TTC7B: variants seen among roughly 807,000 people sequenced by gnomAD.
TTC7B encodes the protein tetratricopeptide repeat domain 7B.
Under a neutral mutation model 106.8 loss-of-function variants are expected in TTC7B, and 28 were observed. The observed-to-expected ratio is 0.26, with a 90% CI of 0.19 to 0.36. The LOEUF (loss-of-function observed/expected upper bound fraction) is 0.36. Ranked by LOEUF, TTC7B falls within the 10% of genes least tolerant of loss-of-function variation. The probability of loss-of-function intolerance (pLI) is 1.00; values close to 1 mark genes in which losing one functional copy is unlikely to be tolerated. For missense variants in TTC7B, 862 were observed against 1,076.4 expected, an observed-to-expected ratio of 0.80 and a Z score of 2.79; for synonymous variants, 405 against 430.6, an observed-to-expected ratio of 0.94 and a Z score of 0.74.
intron 5 of TTC7B, among the ~76,000 whole-genome samples, chr14:90,724,324 CTT>C (rs957552948): frequency 6.6e-6 from 1 of 152,176 alleles, no homozygotes; most frequent in African/African-American, 2.4e-5. Context: ...GACTTTGTCT[CTT>C]CTCTTCACCA....
chr14:90,638,063 T>TA (rs35712441), intron 15 of TTC7B, among the ~76,000 whole-genome samples: 8,703 of 151,688 alleles, frequency 0.057, 330 homozygotes, highest in African/African-American at 0.11. Flanking sequence ...TTTTTTTTTT[T>TA]ATCTAGAGAT....
chr14:90,761,305 T>C (rs1349729968), intron 3 of TTC7B, among the ~76,000 whole-genome samples: 1 of 152,244 alleles, frequency 6.6e-6, no homozygotes, highest in African/African-American at 2.4e-5. Flanking sequence ...ACATCACTAC[T>C]GTAGAACCTA....
Position 90,624,331 on chromosome 14 carries a change from A to G in TTC7B, c.1752-6286T>C, listed in dbSNP as rs1041304102. ...GGGCAGGGCTTAGAAAGAAGACACAACTGCCCCTGGGGAAGCTCTGGGGCA... is the reference window on the plus strand; with the variant it reads ...GGGCAGGGCTTAGAAAGAAGACACAGCTGCCCCTGGGGAAGCTCTGGGGCA... On this transcript the variant is annotated intron_variant, in intron 15 of 19. Transcript: ENST00000328459. The surrounding 1 kb of genome is among the most constrained non-coding windows in gnomAD (Gnocchi z 4.0). Among the ~76,000 whole-genome samples, 2 of 152,206 alleles carry G rather than the reference A, an allele frequency of 1.3e-5. No individual in the cohort carries two copies. Among genetic ancestry groups the G allele is most frequent in the East Asian group, 3.8e-4 (2 of 5,198 alleles).
At chr14:90,552,818 TCTC>T (rs1242958544) in intron 19 of TTC7B, among the ~76,000 whole-genome samples, 2 of 151,960 alleles carry the variant, frequency 1.3e-5, no homozygotes, top group East Asian at 1.9e-4. Context: ...GGAAGGCAAA[TCTC>T]CTCCAGTCCC....
chr14:90,598,238 C>T (rs1432075314), intron 17 of TTC7B, among the ~76,000 whole-genome samples: 1 of 152,242 alleles, frequency 6.6e-6, no homozygotes, highest in Non-Finnish European at 1.5e-5. Flanking sequence ...GCTCTGAAAT[C>T]TAGCACAGGT....
chr14:90,597,273 C>A (rs1403129875), intron 17 of TTC7B, among the ~76,000 whole-genome samples: 1 of 152,060 alleles, frequency 6.6e-6, no homozygotes, highest in African/African-American at 2.4e-5. Flanking sequence ...GAAAATAACA[C>A]AACAAATAAA....
Position 90,608,533 on chromosome 14 carries a change from C to T in TTC7B, c.1966+2209G>A, listed in dbSNP as rs1892744964. Among the ~76,000 whole-genome samples the T allele has an allele frequency of 6.6e-6, 1 of 152,156 alleles. No individual in the cohort carries two copies. Among genetic ancestry groups the T allele is most frequent in the Non-Finnish European group, 1.5e-5 (1 of 68,030 alleles). The stretch of plus-strand genomic sequence containing the variant: ...AGGAGCCCGCGGTCCTGACTCCAAA[C>T]ACCTAGGCTCTCTGGAAGTGAATGG... On this transcript the variant is annotated intron_variant, in intron 17 of 19. Transcript: ENST00000328459. The surrounding 1 kb of genome is among the most constrained non-coding windows in gnomAD (Gnocchi z 5.1).
rs1317167955 is a variant in TTC7B at position 90,802,916 on chromosome 14, G to A, written c.121+13259C>T. ...AGCACTTTGGGAGGCCGAAGCAGGCGGATCACCTAAGGTCAGAAGTTCGAG... is the reference window on the plus strand; with the variant it reads ...AGCACTTTGGGAGGCCGAAGCAGGCAGATCACCTAAGGTCAGAAGTTCGAG... On this transcript the variant is annotated intron_variant, in intron 1 of 19. Coordinates refer to ENST00000328459, the MANE Select transcript of TTC7B (RefSeq NM_001010854.2). This position sits in a 1 kb window ranked among gnomAD's most constrained non-coding sequence, Gnocchi z 4.7. Among the ~76,000 whole-genome samples the A allele has an allele frequency of 4.0e-4, 61 of 151,658 alleles. No homozygotes were observed. The highest frequency in any genetic ancestry group is 3.6e-3 in the Admixed American group (55 of 15,208).
At position 90,689,680 on chromosome 14, in the gene TTC7B, C is replaced by T. The variant is rs543967115; in HGVS notation, c.810G>A (p.Leu270=). ...AGTAGCTCTGCTCACACATACCCCG[C>T]AACAAGATCTCTGCCAGCTGCCTGG... ...TIARQLAEIL[L]RGMCEQSYWN... Residue 270 remains leucine, a synonymous_variant, in exon 7 of 20, where the codon TTG becomes TTA. Coordinates refer to ENST00000328459, the MANE Select transcript of TTC7B (RefSeq NM_001010854.2). The T allele has an allele frequency of 6.2e-7, 1 of 1,614,072 alleles. No individual in the cohort carries two copies. The highest frequency in any genetic ancestry group is 8.5e-7 in the Non-Finnish European group (1 of 1,180,002).
intron 1 of TTC7B, among the ~76,000 whole-genome samples, chr14:90,794,414 G>C (rs112840746): frequency 0.042 from 6,386 of 151,512 alleles, 188 homozygotes; most frequent in Non-Finnish European, 0.058. Context: ...TTTCAGTAGA[G>C]ATGGCGTTTC....
At chr14:90,716,876 G>C (rs1888676520) in intron 5 of TTC7B, among the ~76,000 whole-genome samples, 1 of 152,132 alleles carries the variant, frequency 6.6e-6, no homozygotes, top group Admixed American at 6.5e-5. Context: ...CAGAGAGACA[G>C]AAGACGCAAA....
At chr14:90,631,025 G>A (rs964380340) in intron 15 of TTC7B, among the ~76,000 whole-genome samples, 1 of 152,056 alleles carries the variant, frequency 6.6e-6, no homozygotes. Flanking sequence ...TAGTAGAGAC[G>A]GGGTTTCACT....
chr14:90,657,372 T>A lies in TTC7B; in HGVS notation c.1237-94A>T. 8.3e-7 allele frequency: 1 copy of A among 1,210,466 alleles called. No individual in the cohort carries two copies. The highest frequency in any genetic ancestry group is 1.2e-6 in the Non-Finnish European group (1 of 862,130). 75.0% of individuals were successfully genotyped at this position (1,210,466 alleles called of 1,614,324 possible). A position where few individuals can be genotyped will look rare whatever the true frequency, so the allele number is the denominator to read the frequency against. On this transcript the variant is annotated intron_variant, in intron 10 of 19. Coordinates refer to ENST00000328459, the MANE Select transcript of TTC7B (RefSeq NM_001010854.2). The surrounding 1 kb of genome is among the most constrained non-coding windows in gnomAD (Gnocchi z 4.2). The stretch of plus-strand genomic sequence containing the variant: ...AGAGGGGTTTTTGGTCAGGGTGACC[T>A]CCTCGTGGGCTTGTCCAACTTTAAG...
chr14:90,764,072 A>G (rs1890594392), intron 3 of TTC7B, among the ~76,000 whole-genome samples: 1 of 152,220 alleles, frequency 6.6e-6, no homozygotes, highest in South Asian at 2.1e-4. Context: ...CTACAAAGCT[A>G]CAGTAATAAA....
At chr14:90,610,894 AAG>A in intron 16 of TTC7B, 55 bp from the exon 17 acceptor site, 1 of 1,256,740 alleles carries the variant, frequency 8.0e-7, no homozygotes, top group Non-Finnish European at 1.2e-6. Flanking sequence ...GAGGGAAGGA[AAG>A]AGAGGCAACC....
intron 18 of TTC7B, among the ~76,000 whole-genome samples, chr14:90,585,099 G>A (rs1429634097): frequency 6.6e-6 from 1 of 152,176 alleles, no homozygotes; most frequent in Non-Finnish European, 1.5e-5. Context: ...CCTCGGCCAG[G>A]CCCCATGCTG....
intron 9 of TTC7B, among the ~76,000 whole-genome samples, chr14:90,664,064 A>T (rs1271576517): frequency 6.6e-6 from 1 of 152,094 alleles, no homozygotes; most frequent in African/African-American, 2.4e-5. Context: ...AAATGCACCC[A>T]TGGTAAAAAG....
At chr14:90,633,542 TC>T (rs1185680483) in intron 15 of TTC7B, among the ~76,000 whole-genome samples, 1 of 152,174 alleles carries the variant, frequency 6.6e-6, no homozygotes, top group Non-Finnish European at 1.5e-5. Flanking sequence ...CAACAAACTG[TC>T]AGTTCTTAAC....
intron 18 of TTC7B, among the ~76,000 whole-genome samples, chr14:90,588,085 G>A (rs1016093912): frequency 3.9e-5 from 6 of 152,266 alleles, no homozygotes; most frequent in South Asian, 4.1e-4. Context: ...TCTCACAGGC[G>A]CTCCCTGTAC....
Sources: gnomAD v4.1 joint callset for allele counts (sites outside exome capture counted in the v4.1 genomes callset) on GRCh38, gnomAD v4.1.1 for gene constraint, Gnocchi (gnomAD v3.1) non-coding constraint, MANE v1.5 for transcripts, NCBI Gene and HGNC (gene_info 2026-07-23, HGNC 2026-07-21) for gene names.